DAG1: variants seen among roughly 807,000 people sequenced by gnomAD.
The protein encoded by DAG1 is dystroglycan 1, also known as dystroglycan 1 (dystrophin-associated glycoprotein 1).
A neutral mutation model predicts 46.1 loss-of-function variants in DAG1; 8 were observed. That is an observed-to-expected ratio of 0.17 (90% confidence interval 0.10 to 0.31). The LOEUF is 0.31. Among genes scored for constraint, DAG1 ranks in the 10% least tolerant of loss-of-function variants. The probability of loss-of-function intolerance (pLI) is 1.00; values close to 1 mark genes in which losing one functional copy is unlikely to be tolerated. For synonymous variants in DAG1, 495 were observed against 481.8 expected, an observed-to-expected ratio of 1.03 and a Z score of -0.36; for missense variants, 1,003 against 1,189.9, an observed-to-expected ratio of 0.84 and a Z score of 2.31.
At chr3:49,530,091 A>T (rs781487627) in intron 2 of DAG1, among the ~76,000 whole-genome samples, 1 of 152,186 alleles carries the variant, frequency 6.6e-6, no homozygotes, top group Non-Finnish European at 1.5e-5. Flanking sequence ...TTTAGTAAGC[A>T]CTATTCTAGA....
At chr3:49,484,165 C>T (rs1489680258) in intron 1 of DAG1, among the ~76,000 whole-genome samples, 2 of 152,248 alleles carry the variant, frequency 1.3e-5, no homozygotes, top group Admixed American at 6.5e-5. Flanking sequence ...GTTTGCTTAC[C>T]TAGAAAATAG....
intron 1 of DAG1, among the ~76,000 whole-genome samples, chr3:49,488,150 T>C (rs2107254420): frequency 6.6e-6 from 1 of 152,302 alleles, no homozygotes; most frequent in Admixed American, 6.5e-5. Context: ...TACTCCCAGA[T>C]TGAATTTATG....
intron 1 of DAG1, among the ~76,000 whole-genome samples, chr3:49,481,759 CCT>C (rs2049887069): frequency 6.6e-6 from 1 of 152,102 alleles, no homozygotes; most frequent in Non-Finnish European, 1.5e-5. Context: ...AGCTTGATTC[CCT>C]GTTTTGGCAT....
intron 1 of DAG1, among the ~76,000 whole-genome samples, chr3:49,502,508 ATGGG>A (rs2050480051): frequency 6.6e-6 from 1 of 152,182 alleles, no homozygotes; most frequent in Non-Finnish European, 1.5e-5. Context: ...ACCTGGTCCC[ATGGG>A]CCTTGGAGTG....
intron 1 of DAG1, among the ~76,000 whole-genome samples, chr3:49,505,719 T>C (rs892565807): frequency 8.5e-5 from 13 of 152,164 alleles, no homozygotes; most frequent in South Asian, 2.1e-4. Flanking sequence ...TTGCCCAGGT[T>C]GGAGTGCAAT....
chr3:49,535,390 G>C lies in DAG1; in HGVS notation c.*2191G>C, dbSNP rs2051482930. 1 of 152,686 alleles carries C rather than the reference G, an allele frequency of 6.5e-6. No individual in the cohort carries two copies. The highest frequency in any genetic ancestry group is 1.5e-5 in the Non-Finnish European group (1 of 68,070). 9.5% of individuals were successfully genotyped at this position (152,686 alleles called of 1,614,324 possible). A position where few individuals can be genotyped will look rare whatever the true frequency, so the allele number is the denominator to read the frequency against. On this transcript the variant is annotated 3_prime_UTR_variant, in exon 3 of 3. Coordinates refer to ENST00000308775, the MANE Select transcript of DAG1 (RefSeq NM_004393.6). ...CATAGCAACTGGAGGCGATGGGGCA[G>C]TGAACAGAATAACAACAGCAACAAT...
At chr3:49,512,267 A>G (rs2050781108) in intron 2 of DAG1, among the ~76,000 whole-genome samples, 1 of 152,070 alleles carries the variant, frequency 6.6e-6, no homozygotes, top group African/African-American at 2.4e-5. Context: ...CAATGGCACA[A>G]TCTTGGCTCA....
At chr3:49,482,309 C>G (rs1179262337) in intron 1 of DAG1, among the ~76,000 whole-genome samples, 1 of 152,136 alleles carries the variant, frequency 6.6e-6, no homozygotes, top group African/African-American at 2.4e-5. Flanking sequence ...CTGACCTTCC[C>G]CCAGCCCGAC....
chr3:49,478,054 G>A (rs969381086), intron 1 of DAG1, among the ~76,000 whole-genome samples: 2 of 151,634 alleles, frequency 1.3e-5, no homozygotes, highest in African/African-American at 4.8e-5. Flanking sequence ...ATCATTTTAG[G>A]TCAGGAGTCC....
At chr3:49,471,095 A>G (rs2049506296) in intron 1 of DAG1, 1 of 152,212 alleles carries the variant, frequency 6.6e-6, no homozygotes, top group Non-Finnish European at 1.5e-5. Context: ...TGCATCCTTT[A>G]ATCTCTATAA....
chr3:49,530,626 G>A (rs923660481), intron 2 of DAG1, among the ~76,000 whole-genome samples, 171 bp from the exon 3 acceptor site: 9 of 152,156 alleles, frequency 5.9e-5, no homozygotes, highest in Non-Finnish European at 1.0e-4. Flanking sequence ...CTAGTCTTGT[G>A]ACAGGTAAAT....
chr3:49,498,722 T>A (rs370045909), intron 1 of DAG1, among the ~76,000 whole-genome samples: 3 of 151,424 alleles, frequency 2.0e-5, no homozygotes, highest in African/African-American at 7.2e-5. Flanking sequence ...TTAATTAATT[T>A]TTTTTTTTTG....
intron 1 of DAG1, among the ~76,000 whole-genome samples, chr3:49,504,222 TA>T (rs1236643098): frequency 6.6e-6 from 1 of 152,004 alleles, no homozygotes; most frequent in African/African-American, 2.4e-5. Flanking sequence ...AAGAATGTTA[TA>T]AAAATGAAAC....
At chr3:49,507,220 C>T (rs893498213) in intron 1 of DAG1, among the ~76,000 whole-genome samples, 8 of 151,950 alleles carry the variant, frequency 5.3e-5, no homozygotes, top group African/African-American at 1.7e-4. Context: ...TAGAACTTAC[C>T]GCTGATGTCA....
chr3:49,511,870 G>A (rs965755638), intron 2 of DAG1, among the ~76,000 whole-genome samples: 5 of 152,190 alleles, frequency 3.3e-5, no homozygotes, highest in Admixed American at 6.5e-5. Context: ...AGAACTCCTC[G>A]ACTCTGCCTG....
Position 49,531,943 on chromosome 3 carries a change from A to G in DAG1, c.1432A>G (p.Thr478Ala), listed in dbSNP as rs767278957. ...ITRLETASPP[T>A]RIRTTTSGVP... ...CAGATTGGAAACTGCCTCACCGCCTACTCGTATTCGCACCACCACCAGTGG... is the reference window on the plus strand; with the variant it reads ...CAGATTGGAAACTGCCTCACCGCCTGCTCGTATTCGCACCACCACCAGTGG... Residue 478 changes from threonine (T) to alanine (A), a missense_variant, in exon 3 of 3, where the codon ACT becomes GCT. Thr to Ala is a moderately conservative substitution (Grantham distance 58). Around this residue, in one of 3 missense-constraint regions of DAG1, gnomAD observed 755 missense variants for 854.1 expected, o/e 0.88. Coordinates refer to ENST00000308775, the MANE Select transcript of DAG1 (RefSeq NM_004393.6). The surrounding 1 kb of genome is among the most constrained non-coding windows in gnomAD (Gnocchi z 7.0). The G allele has an allele frequency of 1.1e-5, 18 of 1,613,944 alleles. No individual in the cohort carries two copies. In the South Asian group the frequency reaches 2.0e-4, roughly 18 times the overall value.
Position 49,530,633 on chromosome 3 carries a change from A to G in DAG1, c.286-164A>G, listed in dbSNP as rs529282533. On this transcript the variant is annotated intron_variant, in intron 2 of 2. Coordinates refer to ENST00000308775, the MANE Select transcript of DAG1 (RefSeq NM_004393.6). Reference sequence around the variant, plus strand: ...TCATAGCCCTAGTCTTGTGACAGGTAAATAAACTCAGTTGTGTCTCTCTAG... The same window carrying G: ...TCATAGCCCTAGTCTTGTGACAGGTGAATAAACTCAGTTGTGTCTCTCTAG... Among the ~76,000 whole-genome samples, 5 of 152,280 alleles carry G rather than the reference A, an allele frequency of 3.3e-5. No homozygotes were observed. The South Asian group carries it at 1.0e-3, about 32-fold the overall frequency.
At chr3:49,528,417 TG>T (rs1362630517) in intron 2 of DAG1, among the ~76,000 whole-genome samples, 1 of 151,090 alleles carries the variant, frequency 6.6e-6, no homozygotes, top group Non-Finnish European at 1.5e-5. Flanking sequence ...CCCGACTAGC[TG>T]GGACTACAGG....
Position 49,498,990 on chromosome 3 carries a change from G to T in DAG1, c.-116-11429G>T, listed in dbSNP as rs139489341. ...CTCCCAGAGTACTGGGATTCTAGGT[G>T]TGTGCCACTGCACCTGGCCATTCCT... On this transcript the variant is annotated intron_variant, in intron 1 of 2. Coordinates refer to ENST00000308775, the MANE Select transcript of DAG1 (RefSeq NM_004393.6). Among the ~76,000 whole-genome samples the T allele has an allele frequency of 1.8e-4, 28 of 152,332 alleles. No individual in the cohort carries two copies. The East Asian group carries it at 2.9e-3, about 16-fold the overall frequency.
Sources: gnomAD v4.1 joint callset for allele counts (sites outside exome capture counted in the v4.1 genomes callset) on GRCh38, gnomAD v4.1.1 for gene constraint, gnomAD v4.1.1 regional missense constraint, Gnocchi (gnomAD v3.1) non-coding constraint, MANE v1.5 for transcripts, NCBI Gene and HGNC (gene_info 2026-07-23, HGNC 2026-07-21) for gene names.